ANO3: variants seen among roughly 807,000 people sequenced by gnomAD.
ANO3 encodes the protein anoctamin 3.
Under a neutral mutation model 144.8 loss-of-function variants are expected in ANO3, and 99 were observed. That is an observed-to-expected ratio of 0.68 (90% CI 0.58 to 0.81). The LOEUF (loss-of-function observed/expected upper bound fraction) is 0.81, where lower values mean the gene tolerates loss of function less well. ANO3 is among the 30% of genes least tolerant of loss of function. The probability of loss-of-function intolerance (pLI) is 0.00; values close to 1 mark genes in which losing one functional copy is unlikely to be tolerated. For missense variants in ANO3, 905 were observed against 1,202.2 expected, an observed-to-expected ratio of 0.75 and a Z score of 3.66; for synonymous variants, 414 against 392.6, an observed-to-expected ratio of 1.05 and a Z score of -0.64.
intron 14 of ANO3, among the ~76,000 whole-genome samples, chr11:26,580,365 A>G (rs922993628): frequency 6.6e-6 from 1 of 152,170 alleles, no homozygotes; most frequent in African/African-American, 2.4e-5. Flanking sequence ...TTCATAATTC[A>G]TCACTGGCAG....
chr11:26,441,184 C>A (rs1177622762), intron 1 of ANO3, among the ~76,000 whole-genome samples: 3 of 124,240 alleles, frequency 2.4e-5, no homozygotes, highest in Admixed American at 1.0e-4. Context: ...GTGGCGGGAT[C>A]TCGGCTCACT....
chr11:26,586,443 A>G (rs1395125668), intron 14 of ANO3, among the ~76,000 whole-genome samples: 8 of 147,142 alleles, frequency 5.4e-5, no homozygotes, highest in Non-Finnish European at 8.9e-5. Context: ...TTTCAACTAG[A>G]ATTGATCTTG....
chr11:26,480,047 A>G (rs1389706608), intron 4 of ANO3, among the ~76,000 whole-genome samples: 1 of 152,214 alleles, frequency 6.6e-6, no homozygotes, highest in Non-Finnish European at 1.5e-5. Context: ...TGCAGGGGCC[A>G]AAGCAAGAGG....
chr11:26,204,497 G>C (rs1263389658), intron 1 of ANO3, among the ~76,000 whole-genome samples: 1 of 152,070 alleles, frequency 6.6e-6, no homozygotes, highest in Non-Finnish European at 1.5e-5. Context: ...AGGAAATACA[G>C]GTCAATTTTC....
intron 1 of ANO3, among the ~76,000 whole-genome samples, chr11:26,268,434 G>T (rs1853361877): frequency 6.6e-6 from 1 of 152,104 alleles, no homozygotes; most frequent in Non-Finnish European, 1.5e-5. Context: ...CCCCTCGGGG[G>T]TTTGATCCCT....
chr11:26,416,567 C>T (rs1465553122), intron 1 of ANO3, among the ~76,000 whole-genome samples: 1 of 152,000 alleles, frequency 6.6e-6, no homozygotes, highest in African/African-American at 2.4e-5. Context: ...GCTGGGACTA[C>T]AGGTGTGCTC....
intron 3 of ANO3, among the ~76,000 whole-genome samples, chr11:26,444,485 T>C (rs1858635576): frequency 6.6e-6 from 1 of 152,176 alleles, no homozygotes; most frequent in African/African-American, 2.4e-5. Context: ...AGCCCTGAGT[T>C]TTCAGTAGTA....
At chr11:26,246,617 G>T (rs1488423666) in intron 1 of ANO3, among the ~76,000 whole-genome samples, 1 of 149,274 alleles carries the variant, frequency 6.7e-6, no homozygotes, top group Non-Finnish European at 1.5e-5. Flanking sequence ...TTCTTTATAT[G>T]TTGTTACTAT....
intron 1 of ANO3, among the ~76,000 whole-genome samples, chr11:26,302,711 T>C (rs1854264993): frequency 6.6e-6 from 1 of 152,240 alleles, no homozygotes; most frequent in Non-Finnish European, 1.5e-5. Flanking sequence ...TATATCTTAT[T>C]ATTTGAAAAT....
chr11:26,566,369 A>G (rs190361512), intron 14 of ANO3, among the ~76,000 whole-genome samples: 40 of 152,044 alleles, frequency 2.6e-4, no homozygotes, highest in Admixed American at 6.6e-4. Context: ...TATGAAAATG[A>G]CATTACTGAC....
intron 14 of ANO3, among the ~76,000 whole-genome samples, chr11:26,591,974 C>T (rs441404): frequency 0.87 from 132,996 of 152,066 alleles, 58,473 homozygotes; most frequent in East Asian, 0.96. Context: ...GGATGGGGAA[C>T]TAGAGGGAAG....
chr11:26,526,778 C>T (rs1313158741), intron 7 of ANO3, among the ~76,000 whole-genome samples: 2 of 152,224 alleles, frequency 1.3e-5, no homozygotes, highest in African/African-American at 4.8e-5. Context: ...TGATGCTCTT[C>T]AACCGAGTCA....
chr11:26,478,052 A>G (rs1002829960), intron 4 of ANO3, among the ~76,000 whole-genome samples: 8 of 152,218 alleles, frequency 5.3e-5, no homozygotes, highest in African/African-American at 1.7e-4. Flanking sequence ...AACAAGGCCA[A>G]TCTGCACCAC....
At chr11:26,210,374 T>C in intron 1 of ANO3, among the ~76,000 whole-genome samples, 1 of 152,218 alleles carries the variant, frequency 6.6e-6, no homozygotes, top group Non-Finnish European at 1.5e-5. Context: ...CCATCCTGTT[T>C]TGGTTACTGT....
At chr11:26,236,541 G>A (rs1488862385) in intron 1 of ANO3, among the ~76,000 whole-genome samples, 1 of 152,054 alleles carries the variant, frequency 6.6e-6, no homozygotes, top group African/African-American at 2.4e-5. Context: ...AAAATCGGCC[G>A]GGGGCCGCGG....
chr11:26,365,195 C>A (rs1856033836), intron 1 of ANO3, among the ~76,000 whole-genome samples: 1 of 152,230 alleles, frequency 6.6e-6, no homozygotes, highest in Admixed American at 6.5e-5. Flanking sequence ...TGTGTCACAT[C>A]TAAGGCATGC....
intron 1 of ANO3, among the ~76,000 whole-genome samples, chr11:26,283,321 AATATATAT>A (rs58419788): frequency 0.13 from 6,229 of 48,178 alleles, 309 homozygotes; most frequent in South Asian, 0.21. Context: ...CAAATAAATA[AATATATAT>A]ATATATATAT....
chr11:26,460,120 T>C, intron 3 of ANO3: 1 of 454,270 alleles, frequency 2.2e-6, no homozygotes, highest in Non-Finnish European at 4.4e-6. Context: ...GCAATATCTT[T>C]GCATATCATT....
intron 3 of ANO3, among the ~76,000 whole-genome samples, chr11:26,459,651 C>T (rs1859307814): frequency 1.3e-5 from 2 of 151,726 alleles, no homozygotes; most frequent in African/African-American, 4.8e-5. Flanking sequence ...CAAAAAATAC[C>T]TTAGTGAGGG....
Sources: gnomAD v4.1 joint callset for allele counts (sites outside exome capture counted in the v4.1 genomes callset) on GRCh38, gnomAD v4.1.1 for gene constraint, MANE v1.5 for transcripts, NCBI Gene and HGNC (gene_info 2026-07-23, HGNC 2026-07-21) for gene names.